LTBP1: variants seen among roughly 807,000 people sequenced by gnomAD.
LTBP1 encodes the protein latent-transforming growth factor beta-binding protein 1.
A neutral mutation model predicts 207.6 loss-of-function variants in LTBP1; 129 were observed. The observed-to-expected ratio is 0.62, with a 90% CI of 0.54 to 0.72. The LOEUF is 0.72. Among genes scored for constraint, LTBP1 ranks in the 30% least tolerant of loss-of-function variants. The pLI is 0.00. For missense variants in LTBP1, 2,281 were observed against 2,217.2 expected (o/e 1.03, Z -0.58); for synonymous variants, 963 against 833.7 (o/e 1.16, Z -2.67).
intron 7 of LTBP1, among the ~76,000 whole-genome samples, chr2:33,206,555 A>G (rs1050327482): frequency 1.3e-5 from 2 of 152,032 alleles, no homozygotes; most frequent in Non-Finnish European, 2.9e-5. Context: ...CCTGGCCGAC[A>G]CGGTGAAGCC....
chr2:33,126,827 GA>G (rs879564942), intron 4 of LTBP1, among the ~76,000 whole-genome samples: 39 of 148,144 alleles, frequency 2.6e-4, no homozygotes, highest in African/African-American at 9.4e-4. Flanking sequence ...GTTTGTATTG[GA>G]AAAAAAAAAT....
intron 2 of LTBP1, among the ~76,000 whole-genome samples, chr2:32,983,785 C>G (rs989686333): frequency 1.3e-5 from 2 of 152,218 alleles, no homozygotes; most frequent in African/African-American, 4.8e-5. Context: ...ATTGTGAGGC[C>G]TCCCCAGCCA....
Position 33,309,518 on chromosome 2 carries a change from C to T in LTBP1, c.3566C>T (p.Pro1189Leu), listed in dbSNP as rs559471279. ...GCAGGGTCCTATGATTGTACTTGTC[C>T]GGATGGATTTCAGCTAGATGACAAT... ...NTAGSYDCTC[P>L]DGFQLDDNKT... is the part of the protein sequence containing the mutation. The change falls in exon 23 of 34, where the codon CCG (proline) becomes CTG (leucine). Residue 1189 changes from proline (P) to leucine (L), a missense_variant. Around this residue, in one of 3 missense-constraint regions of LTBP1, gnomAD observed 1,671 missense variants for 1,634.8 expected, o/e 1.02. Coordinates refer to ENST00000404816, the MANE Select transcript of LTBP1 (RefSeq NM_206943.4). 5.6e-5 allele frequency: 90 copies of T among 1,609,594 alleles called. No homozygotes were observed. In the South Asian group the frequency reaches 6.0e-4, roughly 11 times the overall value.
At chr2:33,064,688 A>G (rs892084601) in intron 3 of LTBP1, among the ~76,000 whole-genome samples, 2 of 152,198 alleles carry the variant, frequency 1.3e-5, no homozygotes, top group African/African-American at 2.4e-5. Context: ...TTCCTTTGCC[A>G]CAGAAGGAGA....
rs1285244990 is a variant in LTBP1 at position 33,365,389 on chromosome 2, G to A, written c.4597G>A (p.Glu1533Lys). Reference protein sequence around the residue: ...QDLCWEHLSDEYVCSRPLVGK... With the variant: ...QDLCWEHLSDKYVCSRPLVGK... Reference sequence around the variant, plus strand: ...TTTGTGCTGGGAACATCTGAGTGATGAATACGTGTGTAGCCGGCCTCTTGT... The same window carrying A: ...TTTGTGCTGGGAACATCTGAGTGATAAATACGTGTGTAGCCGGCCTCTTGT... Residue 1533 changes from glutamate (E) to lysine (K), a missense_variant, in exon 31 of 34, where the codon GAA (glutamate) becomes AAA (lysine). Transcript: ENST00000404816. 2 of 1,614,068 alleles carry A rather than the reference G, an allele frequency of 1.2e-6. No individual in the cohort carries two copies. Among genetic ancestry groups the A allele is most frequent in the Non-Finnish European group, 1.7e-6 (2 of 1,180,034 alleles).
chr2:33,170,470 C>A (rs1412145367), intron 5 of LTBP1, among the ~76,000 whole-genome samples: 1 of 152,234 alleles, frequency 6.6e-6, no homozygotes, highest in Non-Finnish European at 1.5e-5. Flanking sequence ...CCGCCATTGC[C>A]CAGGCTTGCT....
intron 5 of LTBP1, among the ~76,000 whole-genome samples, chr2:33,177,966 A>G (rs748642242): frequency 3.9e-5 from 6 of 152,056 alleles, no homozygotes; most frequent in Non-Finnish European, 8.8e-5. Context: ...GCTTACCTGC[A>G]CCCCTCTGTA....
chr2:33,044,974 A>G (rs1049904346), intron 3 of LTBP1, among the ~76,000 whole-genome samples: 2 of 150,426 alleles, frequency 1.3e-5, no homozygotes, highest in Non-Finnish European at 3.0e-5. Flanking sequence ...TTTTTTTTTC[A>G]TGTAAATTTG....
intron 9 of LTBP1, among the ~76,000 whole-genome samples, chr2:33,232,178 A>G (rs187665936): frequency 3.2e-4 from 49 of 152,296 alleles, no homozygotes; most frequent in African/African-American, 1.1e-3. Flanking sequence ...ACCAGACATT[A>G]CCTAGGGGTT....
intron 5 of LTBP1, among the ~76,000 whole-genome samples, chr2:33,158,136 T>C (rs796465306): frequency 2.6e-4 from 14 of 53,090 alleles, no homozygotes; most frequent in African/African-American, 1.3e-3. Context: ...AACTCTTGTC[T>C]CAAAAAAAAA....
At chr2:32,962,898 G>A (rs1280468669) in intron 2 of LTBP1, among the ~76,000 whole-genome samples, 1 of 152,244 alleles carries the variant, frequency 6.6e-6, no homozygotes, top group Non-Finnish European at 1.5e-5. Context: ...GTTTTAACCA[G>A]GCCTCTTGGG....
At chr2:33,085,517 G>A (rs1257528030) in intron 3 of LTBP1, among the ~76,000 whole-genome samples, 1 of 152,096 alleles carries the variant, frequency 6.6e-6, no homozygotes, top group Non-Finnish European at 1.5e-5. Flanking sequence ...CTTGCCTTAG[G>A]AATAATAATG....
intron 3 of LTBP1, among the ~76,000 whole-genome samples, chr2:33,051,703 G>T (rs1183666050): frequency 6.6e-6 from 1 of 152,136 alleles, no homozygotes; most frequent in Non-Finnish European, 1.5e-5. Flanking sequence ...AGTGTGCAGA[G>T]CTGCTCTGGG....
intron 3 of LTBP1, among the ~76,000 whole-genome samples, chr2:33,033,815 T>A (rs1350318802): frequency 6.6e-6 from 1 of 152,168 alleles, no homozygotes; most frequent in African/African-American, 2.4e-5. Context: ...TTATAGTAGT[T>A]CCCAGACAAA....
chr2:33,388,092 T>C (rs1436941051), intron 31 of LTBP1, among the ~76,000 whole-genome samples: 1 of 152,214 alleles, frequency 6.6e-6, no homozygotes, highest in Non-Finnish European at 1.5e-5. Flanking sequence ...TCCCTAGACC[T>C]TCTCAATAAC....
At chr2:33,138,680 C>G (rs1002308595) in intron 5 of LTBP1, among the ~76,000 whole-genome samples, 3 of 152,082 alleles carry the variant, frequency 2.0e-5, no homozygotes, top group Non-Finnish European at 4.4e-5. Flanking sequence ...TAGAATATTT[C>G]AAACACAGTA....
At chr2:33,120,401 A>G (rs2081037234) in intron 4 of LTBP1, among the ~76,000 whole-genome samples, 1 of 152,134 alleles carries the variant, frequency 6.6e-6, no homozygotes, top group East Asian at 1.9e-4. Context: ...ATAAGTTCTT[A>G]TCATTTAGCT....
intron 21 of LTBP1, 135 bp from the exon 22 acceptor site, chr2:33,301,387 A>G: frequency 9.5e-7 from 1 of 1,055,098 alleles, no homozygotes; most frequent in African/African-American, 1.6e-5. Flanking sequence ...ATAGTATTAC[A>G]AAAGCGACAA....
intron 3 of LTBP1, among the ~76,000 whole-genome samples, chr2:33,084,472 T>G (rs1169099698): frequency 6.6e-6 from 1 of 152,128 alleles, no homozygotes; most frequent in Non-Finnish European, 1.5e-5. Flanking sequence ...AGAGGAACTC[T>G]TAGGGATCCC....
Sources: gnomAD v4.1 joint callset for allele counts (sites outside exome capture counted in the v4.1 genomes callset) on GRCh38, gnomAD v4.1.1 for gene constraint, gnomAD v4.1.1 regional missense constraint, MANE v1.5 for transcripts, NCBI Gene and HGNC (gene_info 2026-07-23, HGNC 2026-07-21) for gene names.